Variants in PLB1 observed in about 807,000 individuals in gnomAD.
PLB1 encodes the protein phospholipase B1, membrane-associated.
A neutral mutation model predicts 227.4 loss-of-function variants in PLB1; 242 were observed. That is an observed-to-expected ratio of 1.06 (90% CI 0.96 to 1.18). The LOEUF (loss-of-function observed/expected upper bound fraction) is 1.18, where lower values mean the gene tolerates loss of function less well. PLB1 is among the 50% of genes most tolerant of loss of function. The probability of loss-of-function intolerance (pLI) is 0.00; values close to 1 mark genes in which losing one functional copy is unlikely to be tolerated. For synonymous variants in PLB1, 757 were observed against 682.2 expected (o/e 1.11, Z -1.71); for missense variants, 1,858 against 1,816.3 (o/e 1.02, Z -0.42).
At chr2:28,632,800 T>C in intron 55 of PLB1, 144 bp from the exon 56 acceptor site, 1 of 584,272 alleles carries the variant, frequency 1.7e-6, no homozygotes, top group Non-Finnish European at 3.0e-6. Context: ...ATTCTGGGAG[T>C]TTTTCCATCA....
At chr2:28,631,840 T>C (rs532547573) in intron 54 of PLB1, among the ~76,000 whole-genome samples, 196 bp from the exon 55 acceptor site, 1 of 152,320 alleles carries the variant, frequency 6.6e-6, no homozygotes, top group South Asian at 2.1e-4. Context: ...AGAACCAGCA[T>C]AGGGCTTTGA....
chr2:28,611,168 G>C (rs1214799308), intron 43 of PLB1, among the ~76,000 whole-genome samples: 2 of 152,154 alleles, frequency 1.3e-5, no homozygotes, highest in African/African-American at 4.8e-5. Flanking sequence ...CACAACCCTG[G>C]GCTGTAATTG....
At chr2:28,512,090 ATC>A (rs961525799) in intron 1 of PLB1, among the ~76,000 whole-genome samples, 2 of 52,086 alleles carry the variant, frequency 3.8e-5, no homozygotes, top group Admixed American at 5.2e-4. Context: ...CCCCCCACCC[ATC>A]TCTCTCTCTC....
chr2:28,610,859 C>G (rs566235361), intron 43 of PLB1, among the ~76,000 whole-genome samples: 10 of 151,070 alleles, frequency 6.6e-5, no homozygotes, highest in Admixed American at 3.3e-4. Flanking sequence ...ACTACTAGAC[C>G]GGTTCCTTGT....
At chr2:28,589,144 G>A (rs1681429082) in intron 26 of PLB1, among the ~76,000 whole-genome samples, 2 of 152,020 alleles carry the variant, frequency 1.3e-5, no homozygotes, top group Admixed American at 1.3e-4. Context: ...CAGCCTGGGT[G>A]ACAGAGTGAG....
At chr2:28,549,985 T>C in intron 15 of PLB1, 25 bp from the exon 16 acceptor site, 1 of 1,598,272 alleles carries the variant, frequency 6.3e-7, no homozygotes. Context: ...GGGTCACGAT[T>C]CCAACATGTC....
At chr2:28,507,940 A>G (rs961125012) in intron 1 of PLB1, among the ~76,000 whole-genome samples, 21 of 152,192 alleles carry the variant, frequency 1.4e-4, no homozygotes, top group Admixed American at 8.5e-4. Flanking sequence ...GGTTGTGTCT[A>G]CCCAAAGGTT....
intron 46 of PLB1, among the ~76,000 whole-genome samples, chr2:28,619,421 A>G (rs1026488779): frequency 2.6e-5 from 4 of 152,058 alleles, no homozygotes; most frequent in Admixed American, 2.6e-4. Context: ...GGAGTGTGGA[A>G]TCTGTGGCAA....
At chr2:28,595,023 TGATA>T (rs1682668182) in intron 33 of PLB1, 2 of 152,156 alleles carry the variant, frequency 1.3e-5, no homozygotes, top group South Asian at 4.1e-4. Flanking sequence ...ACATTGCAGG[TGATA>T]GATACGCGAC....
intron 53 of PLB1, among the ~76,000 whole-genome samples, 155 bp downstream of exon 53, chr2:28,629,340 C>T (rs1184510834): frequency 6.6e-6 from 1 of 152,218 alleles, no homozygotes; most frequent in African/African-American, 2.4e-5. Flanking sequence ...AGTACCTCTA[C>T]ATTTGCAAAT....
rs757549893 is a variant in PLB1, at chr2:28,529,803, A to G, written c.468+24A>G. 1.4e-5 allele frequency: 23 copies of G among 1,612,756 alleles called. No individual in the cohort carries two copies. In the East Asian group the frequency reaches 2.2e-4, roughly 16 times the overall value. Reference sequence around the variant, plus strand: ...TGGTAAGCATCCGTCCAACTCTGGCATGGCTGGGCTGCCTGGCTTTGCTGC... The same window carrying G: ...TGGTAAGCATCCGTCCAACTCTGGCGTGGCTGGGCTGCCTGGCTTTGCTGC... On this transcript the variant is annotated intron_variant, in intron 8 of 57. Transcript: ENST00000327757.
chr2:28,619,101 A>C (rs1686617515), intron 46 of PLB1, among the ~76,000 whole-genome samples: 2 of 152,170 alleles, frequency 1.3e-5, no homozygotes, highest in Admixed American at 1.3e-4. Context: ...ACACAGGTAA[A>C]CTTGTGGCAT....
chr2:28,562,540 C>CAAAAAAAAAAAAAAAAA (rs60393903), intron 17 of PLB1, among the ~76,000 whole-genome samples: 944 of 42,514 alleles, frequency 0.022, 258 homozygotes, highest in Non-Finnish European at 0.026. Context: ...GACTCTGTCT[C>CAAAAAAAAAAAAAAAAA]AAAAAAAAAA....
intron 13 of PLB1, among the ~76,000 whole-genome samples, chr2:28,542,132 C>CAA (rs34320310): frequency 6.4e-5 from 8 of 125,826 alleles, no homozygotes; most frequent in African/African-American, 1.9e-4. Flanking sequence ...GACTCAGTCT[C>CAA]AAAAAAAAAA....
chr2:28,606,095 C>A (rs1235113857), intron 42 of PLB1, 147 bp downstream of exon 42: 1 of 666,856 alleles, frequency 1.5e-6, no homozygotes, highest in Non-Finnish European at 2.6e-6. Context: ...ATGCGGAGTC[C>A]TTAAGAGTCT....
chr2:28,531,337 G>A (rs1448875587), intron 8 of PLB1, among the ~76,000 whole-genome samples: 2 of 152,084 alleles, frequency 1.3e-5, no homozygotes, highest in Non-Finnish European at 2.9e-5. Context: ...TTGAGACAGA[G>A]TTTCGCTCTT....
chr2:28,507,499 TC>T (rs1667764132), intron 1 of PLB1, among the ~76,000 whole-genome samples: 1 of 152,114 alleles, frequency 6.6e-6, no homozygotes, highest in African/African-American at 2.4e-5. Flanking sequence ...CATTAATCCA[TC>T]TGTGAGGGCA....
intron 21 of PLB1, among the ~76,000 whole-genome samples, chr2:28,574,504 T>A (rs1041717530): frequency 6.8e-6 from 1 of 146,900 alleles, no homozygotes; most frequent in Non-Finnish European, 1.5e-5. Context: ...CATCTCAGCC[T>A]CCCAAGTAGC....
chr2:28,613,928 T>C, intron 43 of PLB1, 103 bp from the exon 44 acceptor site: 1 of 928,412 alleles, frequency 1.1e-6, no homozygotes, highest in Non-Finnish European at 1.8e-6. Context: ...TGCAGAAGAA[T>C]CATGTTAAAT....
Sources: allele counts gnomAD v4.1 joint callset (sites outside exome capture counted in the v4.1 genomes callset), GRCh38; gene constraint gnomAD v4.1.1; transcripts MANE v1.5; gene names NCBI Gene and HGNC (gene_info 2026-07-23, HGNC 2026-07-21).